The following ZC3H12B variants were observed in gnomAD, a reference collection of about 807,000 sequenced individuals.
ZC3H12B encodes zinc finger CCCH-type containing 12B.
ZC3H12B carries 7 observed loss-of-function variants against 43.9 expected under a neutral mutation model. The observed-to-expected ratio is 0.16, with a 90% CI of 0.09 to 0.30. The LOEUF (loss-of-function observed/expected upper bound fraction) is 0.30, where lower values mean the gene tolerates loss of function less well. Ranked by LOEUF, ZC3H12B falls within the 10% of genes least tolerant of loss-of-function variation. ZC3H12B has a pLI of 1.00. For missense variants in ZC3H12B, 475 were observed against 670.2 expected, an observed-to-expected ratio of 0.71 and a Z score of 3.22; for synonymous variants, 222 against 241.7, an observed-to-expected ratio of 0.92 and a Z score of 0.76.
the ZC3H12B span, among the ~76,000 whole-genome samples, chrX:65,267,700 G>A: frequency 9.0e-6 from 1 of 111,515 alleles, no homozygotes; most frequent in Admixed American, 9.5e-5. Context: ...GAAATCAAAA[G>A]GGGAATTTTT....
At chrX:65,174,548 G>T in the ZC3H12B span, among the ~76,000 whole-genome samples, 3 of 111,708 alleles carry the variant, frequency 2.7e-5, no homozygotes, top group Admixed American at 2.9e-4. Context: ...GTCAGGGGCT[G>T]CTGCCTTTCT....
intron 3 of ZC3H12B, among the ~76,000 whole-genome samples, chrX:65,442,768 T>C (rs1291540660): frequency 8.9e-6 from 1 of 112,314 alleles, no homozygotes; most frequent in Non-Finnish European, 1.9e-5. Flanking sequence ...GTTTTAATTT[T>C]TTGAGTAATT....
chrX:65,160,739 G>T, the ZC3H12B span, among the ~76,000 whole-genome samples: 1 of 111,440 alleles, frequency 9.0e-6, no homozygotes, highest in African/African-American at 3.3e-5. Context: ...TTTTTGAAGG[G>T]TTTTTTGTGT....
the ZC3H12B span, among the ~76,000 whole-genome samples, chrX:65,083,618 G>A: frequency 6.3e-5 from 7 of 111,075 alleles, no homozygotes; most frequent in Non-Finnish European, 1.3e-4. Flanking sequence ...ACCAAAATAT[G>A]GAAAAAATGT....
At chrX:65,216,042 A>T in the ZC3H12B span, among the ~76,000 whole-genome samples, 1 of 111,444 alleles carries the variant, frequency 9.0e-6, no homozygotes, top group Non-Finnish European at 1.9e-5. Flanking sequence ...TCATCAAAGA[A>T]CACTGATCAA....
chrX:65,110,653 C>T, the ZC3H12B span, among the ~76,000 whole-genome samples: 4 of 111,224 alleles, frequency 3.6e-5, no homozygotes, highest in African/African-American at 9.8e-5. Context: ...GATTACTGTT[C>T]GAATCAGGAA....
At chrX:65,149,050 T>C in the ZC3H12B span, among the ~76,000 whole-genome samples, 8 of 111,907 alleles carry the variant, frequency 7.1e-5, no homozygotes, top group South Asian at 3.0e-3. Context: ...TTTCTCTGTG[T>C]TTTTTTGGTT....
exon 5 of ZC3H12B, chrX:65,502,530 A>G: frequency 8.3e-7 from 1 of 1,210,819 alleles, no homozygotes. Context: ...ACCCATCCTG[A>G]AGGCAATTTG....
chrX:65,254,695 A>C, the ZC3H12B span, among the ~76,000 whole-genome samples: 1 of 112,121 alleles, frequency 8.9e-6, no homozygotes, highest in South Asian at 3.7e-4. Flanking sequence ...CTGAGCAATG[A>C]CTCTTAACCA....
chrX:65,138,343 T>C, the ZC3H12B span, among the ~76,000 whole-genome samples: 475 of 111,708 alleles, frequency 4.3e-3, 1 homozygote, highest in Non-Finnish European at 6.9e-3. Flanking sequence ...ATTCATCTTT[T>C]TTGCCTGGCT....
At chrX:65,321,663 T>C in the ZC3H12B span, among the ~76,000 whole-genome samples, 3 of 108,303 alleles carry the variant, frequency 2.8e-5, no homozygotes, top group South Asian at 8.2e-4. Context: ...TGCTCATCAA[T>C]GGTAGACTGG....
chrX:65,157,061 G>A, the ZC3H12B span, among the ~76,000 whole-genome samples: 3 of 111,003 alleles, frequency 2.7e-5, no homozygotes, highest in Non-Finnish European at 3.8e-5. Flanking sequence ...GCTCACTGCA[G>A]CTTTGACCTC....
intron 2 of ZC3H12B, among the ~76,000 whole-genome samples, chrX:65,387,014 T>C (rs1232413246): frequency 8.9e-6 from 1 of 111,964 alleles, no homozygotes; most frequent in African/African-American, 3.2e-5. Context: ...TGAGAGACAG[T>C]TTGTCATAAT....
the ZC3H12B span, among the ~76,000 whole-genome samples, chrX:65,085,502 A>T: frequency 9.0e-6 from 1 of 111,543 alleles, no homozygotes; most frequent in African/African-American, 3.3e-5. Context: ...GGCTGGGTGT[A>T]ATGGCTCACA....
At chrX:65,191,591 G>A in the ZC3H12B span, among the ~76,000 whole-genome samples, 1 of 103,775 alleles carries the variant, frequency 9.6e-6, no homozygotes, top group African/African-American at 4.1e-5. Context: ...TTGCATAGAG[G>A]TGTTTGTAGT....
At chrX:65,181,648 A>G in the ZC3H12B span, among the ~76,000 whole-genome samples, 7 of 112,621 alleles carry the variant, frequency 6.2e-5, no homozygotes, top group Non-Finnish European at 1.1e-4. Context: ...AACATATGAA[A>G]AAAAGCTCAC....
the ZC3H12B span, among the ~76,000 whole-genome samples, chrX:65,281,618 A>T: frequency 2.7e-5 from 3 of 112,369 alleles, no homozygotes; most frequent in Non-Finnish European, 5.6e-5. Flanking sequence ...AACTGCATTC[A>T]TATGCAGCAG....
At chrX:65,069,006 G>A in the ZC3H12B span, among the ~76,000 whole-genome samples, 1 of 108,992 alleles carries the variant, frequency 9.2e-6, no homozygotes, top group Non-Finnish European at 1.9e-5. Context: ...ATGTATTGGA[G>A]CTCCATAGTA....
At chrX:65,109,433 T>G in the ZC3H12B span, among the ~76,000 whole-genome samples, 2 of 112,080 alleles carry the variant, frequency 1.8e-5, no homozygotes, top group Non-Finnish European at 3.8e-5. Flanking sequence ...GCATTTCATC[T>G]AAATGTAATC....
Sources: allele counts gnomAD v4.1 joint callset (sites outside exome capture counted in the v4.1 genomes callset), GRCh38; gene constraint gnomAD v4.1.1; transcripts MANE v1.5; gene names NCBI Gene and HGNC (gene_info 2026-07-23, HGNC 2026-07-21).